Variants in GPC5 observed in about 807,000 individuals in gnomAD.
The protein encoded by GPC5 is glypican-5.
In GPC5, 47 loss-of-function variants were observed where a neutral mutation model predicts 53.9. The ratio of observed to expected loss-of-function variants is 0.87; its 90% confidence interval spans 0.69 to 1.11. The LOEUF (loss-of-function observed/expected upper bound fraction) is 1.11. Ranked by LOEUF, GPC5 falls within the 50% of genes most tolerant of loss-of-function variation. The pLI is 0.00. For missense variants in GPC5, 748 were observed against 713.1 expected (o/e 1.05, Z -0.56); for synonymous variants, 286 against 263.3 (o/e 1.09, Z -0.84).
intron 7 of GPC5, among the ~76,000 whole-genome samples, chr13:92,547,819 CTTTTTTTTTT>C (rs567478017): frequency 3.0e-5 from 3 of 100,450 alleles, no homozygotes; most frequent in South Asian, 3.3e-4. Context: ...GCCTATTATT[CTTTTTTTTTT>C]TTTTTTTTTT....
At chr13:91,859,193 A>G (rs2038999489) in intron 5 of GPC5, among the ~76,000 whole-genome samples, 1 of 151,270 alleles carries the variant, frequency 6.6e-6, no homozygotes, top group African/African-American at 2.4e-5. Flanking sequence ...CTTATTTTGC[A>G]TCTGGTTTAC....
intron 1 of GPC5, among the ~76,000 whole-genome samples, chr13:91,438,571 A>G (rs992817839): frequency 2.6e-5 from 4 of 152,078 alleles, no homozygotes; most frequent in Admixed American, 1.3e-4. Flanking sequence ...GTCTGCCCCT[A>G]CTGGGTGGTG....
At chr13:91,587,750 G>T (rs1566531338) in intron 2 of GPC5, among the ~76,000 whole-genome samples, 1 of 152,188 alleles carries the variant, frequency 6.6e-6, no homozygotes, top group East Asian at 1.9e-4. Context: ...ATTCCTGAAA[G>T]CAGGAACTGC....
intron 7 of GPC5, among the ~76,000 whole-genome samples, chr13:92,374,456 T>C (rs1307743108): frequency 3.3e-5 from 5 of 152,094 alleles, no homozygotes; most frequent in South Asian, 2.1e-4. Flanking sequence ...ATATGCACAA[T>C]TGGCTCTTCC....
At chr13:92,249,141 ACT>A (rs2042674521) in intron 7 of GPC5, among the ~76,000 whole-genome samples, 1 of 152,132 alleles carries the variant, frequency 6.6e-6, no homozygotes, top group South Asian at 2.1e-4. Flanking sequence ...GGCAAGCATC[ACT>A]TCAAGCATTT....
chr13:92,271,054 A>G (rs2042836347), intron 7 of GPC5, among the ~76,000 whole-genome samples: 1 of 152,164 alleles, frequency 6.6e-6, no homozygotes, highest in Non-Finnish European at 1.5e-5. Flanking sequence ...TTGGGAGCTG[A>G]CCTATCACTT....
intron 7 of GPC5, among the ~76,000 whole-genome samples, chr13:92,315,016 A>C (rs117691155): frequency 1.3e-3 from 201 of 152,204 alleles, no homozygotes; most frequent in Non-Finnish European, 2.4e-3. Flanking sequence ...GGCTCAAGTG[A>C]TCCTGCTGCC....
chr13:91,972,165 A>G (rs569534366), intron 6 of GPC5, among the ~76,000 whole-genome samples: 5 of 152,230 alleles, frequency 3.3e-5, no homozygotes, highest in East Asian at 1.9e-4. Flanking sequence ...TTGGGTGCAT[A>G]TATATTTAGG....
intron 7 of GPC5, among the ~76,000 whole-genome samples, chr13:92,344,905 T>C (rs1283358977): frequency 6.6e-6 from 1 of 152,160 alleles, no homozygotes; most frequent in East Asian, 1.9e-4. Flanking sequence ...GATTATATGA[T>C]ATGAGAATAT....
At chr13:92,534,263 G>C (rs1881654355) in intron 7 of GPC5, among the ~76,000 whole-genome samples, 1 of 152,170 alleles carries the variant, frequency 6.6e-6, no homozygotes, top group African/African-American at 2.4e-5. Context: ...CTGGGTGACA[G>C]AGTGCAACTC....
chr13:91,658,736 C>A (rs1355352338), intron 2 of GPC5, among the ~76,000 whole-genome samples: 1 of 152,118 alleles, frequency 6.6e-6, no homozygotes, highest in African/African-American at 2.4e-5. Flanking sequence ...ATTCTCCGGG[C>A]TCAACTTTCC....
intron 5 of GPC5, among the ~76,000 whole-genome samples, chr13:91,878,451 C>T (rs1028793568): frequency 6.6e-5 from 10 of 152,160 alleles, no homozygotes; most frequent in East Asian, 5.8e-4. Flanking sequence ...CGCAGCTACA[C>T]GGAAAATTAG....
At chr13:91,465,157 C>G (rs906021606) in intron 2 of GPC5, among the ~76,000 whole-genome samples, 8 of 152,030 alleles carry the variant, frequency 5.3e-5, no homozygotes, top group African/African-American at 1.9e-4. Flanking sequence ...TTTAAATTGT[C>G]TATAATCTTC....
intron 2 of GPC5, among the ~76,000 whole-genome samples, chr13:91,633,295 A>G (rs1202638143): frequency 2.0e-5 from 3 of 152,122 alleles, no homozygotes; most frequent in Non-Finnish European, 4.4e-5. Flanking sequence ...TGGATGTCAT[A>G]CTGGTGAAGC....
chr13:91,934,658 G>C (rs74106211), intron 6 of GPC5, among the ~76,000 whole-genome samples: 2,286 of 151,980 alleles, frequency 0.015, 51 homozygotes, highest in African/African-American at 0.053. Context: ...TCATAAACAT[G>C]AACAGCGTCC....
In GPC5 at chr13:91,990,096, A is replaced by G. The variant is rs987952149; in HGVS notation, c.1401+82039A>G. ...TAACCTCAGGGTTCCCATCTATGCT[A>G]TAATTATGTAAATAACAATATATTG... On this transcript the variant is annotated intron_variant, in intron 6 of 7. Coordinates refer to ENST00000377067, the MANE Select transcript of GPC5 (RefSeq NM_004466.6). Among the ~76,000 whole-genome samples the G allele has an allele frequency of 5.3e-5, 8 of 152,226 alleles. No individual in the cohort carries two copies. In the South Asian group the frequency reaches 8.3e-4, roughly 16 times the overall value.
At chr13:91,874,973 ATCTCC>A (rs1165835867) in intron 5 of GPC5, among the ~76,000 whole-genome samples, 1 of 152,148 alleles carries the variant, frequency 6.6e-6, no homozygotes, top group Non-Finnish European at 1.5e-5. Flanking sequence ...GGAGCTGGAG[ATCTCC>A]TGTGACTAAA....
intron 7 of GPC5, among the ~76,000 whole-genome samples, chr13:92,235,379 A>T (rs1244657656): frequency 6.6e-6 from 1 of 152,102 alleles, no homozygotes; most frequent in Non-Finnish European, 1.5e-5. Flanking sequence ...CGTAATTTTC[A>T]ATTATTTAAA....
intron 7 of GPC5, among the ~76,000 whole-genome samples, chr13:92,489,056 A>G (rs2374030): frequency 0.018 from 2,730 of 152,310 alleles, 38 homozygotes; most frequent in Non-Finnish European, 0.027. Context: ...TTATGCACAA[A>G]TCAGCACATA....
Sources: allele counts gnomAD v4.1 joint callset (sites outside exome capture counted in the v4.1 genomes callset), GRCh38; gene constraint gnomAD v4.1.1; transcripts MANE v1.5; gene names NCBI Gene and HGNC (gene_info 2026-07-23, HGNC 2026-07-21).